SAMMSON: variants seen among roughly 807,000 people sequenced by gnomAD.
The protein encoded by SAMMSON is survival associated mitochondrial melanoma specific oncogenic non-coding RNA, also known as long intergenic non-protein coding RNA 1212.
At chr3:70,019,028 C>T (rs1257917301) in intron 3 of SAMMSON, among the ~76,000 whole-genome samples, 53 of 151,856 alleles carry the variant, frequency 3.5e-4, no homozygotes, top group African/African-American at 4.8e-4. Flanking sequence ...GGAATGAGTG[C>T]GATGTGGTGC....
At chr3:70,136,960 CTT>C (rs2067508557) in intron 4 of SAMMSON, among the ~76,000 whole-genome samples, 1 of 152,064 alleles carries the variant, frequency 6.6e-6, no homozygotes, top group African/African-American at 2.4e-5. Flanking sequence ...TATGATAAAA[CTT>C]TTTTTGAAAT....
At chr3:70,213,063 C>T (rs1450113898) in intron 4 of SAMMSON, among the ~76,000 whole-genome samples, 4 of 152,074 alleles carry the variant, frequency 2.6e-5, no homozygotes, top group Admixed American at 2.0e-4. Context: ...CCTGCCTTGG[C>T]CTCCCAAAGT....
intron 4 of SAMMSON, among the ~76,000 whole-genome samples, chr3:70,105,437 A>G (rs1427476691): frequency 6.6e-6 from 1 of 152,128 alleles, no homozygotes; most frequent in Non-Finnish European, 1.5e-5. Flanking sequence ...GGAATTGAAT[A>G]TTTGAGGGCT....
chr3:70,288,156 G>A (rs1212355175), intron 6 of SAMMSON, among the ~76,000 whole-genome samples: 3 of 144,092 alleles, frequency 2.1e-5, no homozygotes, highest in African/African-American at 7.8e-5. Context: ...ATGTTAGGGT[G>A]TCAATTTTGG....
At chr3:70,252,304 G>C (rs1163464495) in intron 6 of SAMMSON, among the ~76,000 whole-genome samples, 3 of 152,120 alleles carry the variant, frequency 2.0e-5, no homozygotes, top group Admixed American at 1.3e-4. Flanking sequence ...TTTTCCATTG[G>C]TGTATGGTGT....
At chr3:70,095,252 A>T (rs982148339) in intron 4 of SAMMSON, among the ~76,000 whole-genome samples, 4 of 152,194 alleles carry the variant, frequency 2.6e-5, no homozygotes, top group African/African-American at 9.6e-5. Flanking sequence ...GGTTATCTTT[A>T]GTTCCCTTAG....
chr3:69,999,953 C>G (rs2066899236), intron 1 of SAMMSON: 1 of 152,240 alleles, frequency 6.6e-6, no homozygotes, highest in Admixed American at 6.5e-5. Context: ...TTCTCGCTCC[C>G]CCATCACCGG....
intron 4 of SAMMSON, among the ~76,000 whole-genome samples, chr3:70,089,516 T>G (rs1483959129): frequency 1.4e-5 from 2 of 145,038 alleles, no homozygotes; most frequent in African/African-American, 2.6e-5. Flanking sequence ...GATAACATCG[T>G]GCATTTTTTA....
chr3:70,424,728 A>G (rs527904616), intron 2 of SAMMSON: 2 of 152,326 alleles, frequency 1.3e-5, no homozygotes, highest in African/African-American at 4.8e-5. Context: ...CAATGTAGGT[A>G]AAGCAGGCTT....
chr3:70,016,008 G>A (rs1227258293), intron 3 of SAMMSON, among the ~76,000 whole-genome samples: 6 of 152,292 alleles, frequency 3.9e-5, no homozygotes, highest in Admixed American at 3.9e-4. Context: ...GTTGTGAATA[G>A]TGCCGCAATA....
intron 2 of SAMMSON, among the ~76,000 whole-genome samples, chr3:70,417,067 C>A (rs1422624233): frequency 6.6e-6 from 1 of 152,108 alleles, no homozygotes; most frequent in Non-Finnish European, 1.5e-5. Flanking sequence ...GAATCATCTT[C>A]TACGCAATGT....
At chr3:70,310,860 C>G (rs932840870) in intron 7 of SAMMSON, among the ~76,000 whole-genome samples, 3 of 152,094 alleles carry the variant, frequency 2.0e-5, no homozygotes, top group Admixed American at 6.6e-5. Flanking sequence ...CATTCACATG[C>G]TGTAGAATCA....
At chr3:70,405,404 G>T (rs1412547870) in intron 2 of SAMMSON, among the ~76,000 whole-genome samples, 1 of 152,146 alleles carries the variant, frequency 6.6e-6, no homozygotes, top group African/African-American at 2.4e-5. Context: ...TATAGTAGAA[G>T]AAGCAGGAAA....
intron 4 of SAMMSON, among the ~76,000 whole-genome samples, chr3:70,099,921 C>T (rs2067336026): frequency 6.6e-6 from 1 of 152,154 alleles, no homozygotes; most frequent in South Asian, 2.1e-4. Context: ...AGCTTATCTC[C>T]TCTCAGAAGT....
At chr3:70,279,372 A>G (rs1023410689) in intron 6 of SAMMSON, among the ~76,000 whole-genome samples, 1 of 152,126 alleles carries the variant, frequency 6.6e-6, no homozygotes, top group Non-Finnish European at 1.5e-5. Context: ...TCCAATGGTC[A>G]TTTGATTAAC....
intron 9 of SAMMSON, among the ~76,000 whole-genome samples, chr3:70,387,496 TCAGA>T: frequency 6.6e-6 from 1 of 152,186 alleles, no homozygotes; most frequent in Admixed American, 6.6e-5. Flanking sequence ...ATTTTTTCAC[TCAGA>T]CAATTTGGCA....
intron 4 of SAMMSON, among the ~76,000 whole-genome samples, chr3:70,158,085 G>A (rs181623328): frequency 6.6e-5 from 10 of 152,108 alleles, no homozygotes; most frequent in East Asian, 5.8e-4. Context: ...CCCTTTTGAC[G>A]TGTACAGTTC....
intron 4 of SAMMSON, among the ~76,000 whole-genome samples, chr3:70,133,402 A>G (rs557565541): frequency 2.0e-5 from 3 of 152,244 alleles, no homozygotes; most frequent in South Asian, 4.2e-4. Flanking sequence ...CCTGTCCCCC[A>G]TGTCTTGCCC....
intron 2 of SAMMSON, among the ~76,000 whole-genome samples, chr3:70,423,233 G>A (rs1315140154): frequency 6.6e-6 from 1 of 152,054 alleles, no homozygotes; most frequent in Non-Finnish European, 1.5e-5. Context: ...AGTGGGGCTG[G>A]GGATTACAAG....
Sources: gnomAD v4.1 joint callset for allele counts (sites outside exome capture counted in the v4.1 genomes callset) on GRCh38, gnomAD v4.1.1 for gene constraint, MANE v1.5 for transcripts, NCBI Gene and HGNC (gene_info 2026-07-23, HGNC 2026-07-21) for gene names.